DIP2C: variants seen among roughly 807,000 people sequenced by gnomAD.
The protein encoded by DIP2C is disco-interacting protein 2 homolog C.
Under a neutral mutation model 192.4 loss-of-function variants are expected in DIP2C, and 33 were observed. The observed-to-expected ratio is 0.17, with a 90% CI of 0.13 to 0.23. The LOEUF (loss-of-function observed/expected upper bound fraction) is 0.23, where lower values mean the gene tolerates loss of function less well. DIP2C is among the 10% of genes least tolerant of loss of function. The probability of loss-of-function intolerance (pLI) is 1.00; values close to 1 mark genes in which losing one functional copy is unlikely to be tolerated. For missense variants in DIP2C, 1,537 were observed against 2,110.1 expected, an observed-to-expected ratio of 0.73 and a Z score of 5.32; for synonymous variants, 979 against 864.1, an observed-to-expected ratio of 1.13 and a Z score of -2.33.
Position 652,310 on chromosome 10 carries a change from T to C in DIP2C, c.85+37184A>G. The C allele has an allele frequency of 4.7e-6, 1 of 211,972 alleles. No homozygotes were observed. The highest frequency in any genetic ancestry group is 9.6e-6 in the Non-Finnish European group (1 of 104,678). The allele number at this position is 211,972 out of a possible 1,614,324, so 13.1% of individuals were successfully genotyped here. A position where few individuals can be genotyped will look rare whatever the true frequency, so the allele number is the denominator to read the frequency against. On this transcript the variant is annotated intron_variant, in intron 1 of 36. Coordinates refer to ENST00000280886, the MANE Select transcript of DIP2C (RefSeq NM_014974.3). The surrounding 1 kb of genome is among the most constrained non-coding windows in gnomAD (Gnocchi z 4.5). ...CCTGAGGGCATCTTCCTCGGCATCTTCCTCCATCGACAGCAGCCTGGGCTC... is the reference window on the plus strand; with the variant it reads ...CCTGAGGGCATCTTCCTCGGCATCTCCCTCCATCGACAGCAGCCTGGGCTC...
intron 1 of DIP2C, among the ~76,000 whole-genome samples, chr10:572,540 G>A (rs1402121428): frequency 2.0e-4 from 31 of 152,126 alleles, no homozygotes; most frequent in Non-Finnish European, 1.5e-5. Context: ...GTTGTAATGA[G>A]AAAAATAGTT....
chr10:637,490 C>A (rs1281542383), intron 1 of DIP2C, among the ~76,000 whole-genome samples: 1 of 152,190 alleles, frequency 6.6e-6, no homozygotes, highest in Non-Finnish European at 1.5e-5. Flanking sequence ...GGTTCACAGA[C>A]GGCGCCTTCT....
intron 3 of DIP2C, among the ~76,000 whole-genome samples, chr10:464,962 G>C (rs1226324712): frequency 6.6e-6 from 1 of 150,934 alleles, no homozygotes; most frequent in Non-Finnish European, 1.5e-5. Context: ...AGAGGTACAA[G>C]GAGGAACTGG....
intron 1 of DIP2C, among the ~76,000 whole-genome samples, chr10:558,382 C>G (rs934661647): frequency 2.0e-5 from 3 of 152,196 alleles, no homozygotes; most frequent in Admixed American, 6.5e-5. Context: ...ATGCATCTCA[C>G]GGATTGAGAT....
At chr10:294,832 C>T (rs572468826) in intron 32 of DIP2C, among the ~76,000 whole-genome samples, 1 of 152,154 alleles carries the variant, frequency 6.6e-6, no homozygotes, top group South Asian at 2.1e-4. Context: ...TTATAAATAA[C>T]TTAAAAGCTT....
intron 1 of DIP2C, among the ~76,000 whole-genome samples, chr10:615,566 T>C (rs184156131): frequency 4.8e-4 from 73 of 152,268 alleles, no homozygotes; most frequent in Admixed American, 1.7e-3. Context: ...TCACCAGTTT[T>C]ACAAAACGTC....
chr10:562,041 A>G (rs997018437), intron 1 of DIP2C, among the ~76,000 whole-genome samples: 1 of 152,218 alleles, frequency 6.6e-6, no homozygotes, highest in African/African-American at 2.4e-5. Flanking sequence ...GGACGTTCCG[A>G]AGGATGCATT....
intron 3 of DIP2C, among the ~76,000 whole-genome samples, chr10:454,053 T>C (rs1226753240): frequency 6.6e-6 from 1 of 152,174 alleles, no homozygotes; most frequent in Non-Finnish European, 1.5e-5. Context: ...AAGAAGGCAA[T>C]AAAGGGTGAA....
intron 3 of DIP2C, among the ~76,000 whole-genome samples, chr10:442,890 T>C (rs78654819): frequency 0.016 from 2,456 of 152,338 alleles, 74 homozygotes; most frequent in African/African-American, 0.056. Flanking sequence ...ATGAATTGCA[T>C]TTATTTGTCA....
intron 22 of DIP2C, among the ~76,000 whole-genome samples, chr10:361,834 G>A (rs1431498364): frequency 3.3e-5 from 5 of 152,114 alleles, no homozygotes; most frequent in African/African-American, 1.2e-4. Flanking sequence ...TGGCTTGAGC[G>A]GCTCCCAACA....
At chr10:604,848 G>A (rs745501648) in intron 1 of DIP2C, among the ~76,000 whole-genome samples, 3 of 152,188 alleles carry the variant, frequency 2.0e-5, no homozygotes, top group East Asian at 3.9e-4. Flanking sequence ...ATACTGGAGC[G>A]AAGGAAAAGC....
At chr10:624,999 G>C (rs576502731) in intron 1 of DIP2C, among the ~76,000 whole-genome samples, 181 of 152,332 alleles carry the variant, frequency 1.2e-3, no homozygotes, top group African/African-American at 3.4e-3. Flanking sequence ...AACCTTGGCT[G>C]CCAGGGCCCA....
At chr10:404,146 T>G (rs1964627869) in intron 9 of DIP2C, among the ~76,000 whole-genome samples, 1 of 152,234 alleles carries the variant, frequency 6.6e-6, no homozygotes, top group Non-Finnish European at 1.5e-5. Context: ...TTGGTATGTG[T>G]TCATCAGCAC....
At chr10:291,657 A>G (rs1047790294) in intron 32 of DIP2C, among the ~76,000 whole-genome samples, 1 of 152,222 alleles carries the variant, frequency 6.6e-6, no homozygotes. Flanking sequence ...GGGCTGAGTT[A>G]AGACCCGGGT....
chr10:288,049 G>C (rs997143435), intron 33 of DIP2C, among the ~76,000 whole-genome samples: 3 of 152,130 alleles, frequency 2.0e-5, no homozygotes, highest in Admixed American at 6.5e-5. Flanking sequence ...ATGATGGCTG[G>C]AGCGGAAGCA....
chr10:477,241 G>C (rs1002379156), intron 2 of DIP2C, among the ~76,000 whole-genome samples: 1 of 118,176 alleles, frequency 8.5e-6, no homozygotes, highest in Non-Finnish European at 1.7e-5. Flanking sequence ...GGAACGAATG[G>C]AGAAAAGAAT....
At chr10:286,243 A>G (rs754720263) in intron 34 of DIP2C, 30 bp downstream of exon 34, 14 of 1,610,602 alleles carry the variant, frequency 8.7e-6, no homozygotes, top group Admixed American at 8.3e-5. Flanking sequence ...ACAGAAAAGT[A>G]ACCTGGATCT....
At chr10:515,532 G>A (rs1474840034) in intron 1 of DIP2C, among the ~76,000 whole-genome samples, 2 of 152,146 alleles carry the variant, frequency 1.3e-5, no homozygotes, top group South Asian at 2.1e-4. Context: ...AGACCAGCCT[G>A]GCCAATATGG....
rs1234520782 is a variant in DIP2C at position 281,206 on chromosome 10, G to A, written c.4412C>T (p.Thr1471Met). 12 of 1,613,944 alleles carry A rather than the reference G, an allele frequency of 7.4e-6. No individual in the cohort carries two copies. Among genetic ancestry groups the A allele is most frequent in the East Asian group, 4.5e-5 (2 of 44,874 alleles). ...TSVIRAHKSV[T>M]ECAVFTWTNL... ...CTGCAAGCTCACGACTTACCATTCC[G>A]TAACGCTTTTATGGGCTCTGATGAC... The change falls in exon 36 of 37, where the codon ACG (threonine) becomes ATG (methionine). Residue 1471 changes from threonine (T) to methionine (M), a missense_variant. Coordinates refer to ENST00000280886, the MANE Select transcript of DIP2C (RefSeq NM_014974.3).
Sources: allele counts gnomAD v4.1 joint callset (sites outside exome capture counted in the v4.1 genomes callset), GRCh38; gene constraint gnomAD v4.1.1; non-coding constraint Gnocchi (gnomAD v3.1); transcripts MANE v1.5; gene names NCBI Gene and HGNC (gene_info 2026-07-23, HGNC 2026-07-21).